ADAMTSL1: variants seen among roughly 807,000 people sequenced by gnomAD.
ADAMTSL1 encodes ADAMTS like 1, also known as ADAMTS-like protein 1.
A neutral mutation model predicts 201.8 loss-of-function variants in ADAMTSL1; 126 were observed. The ratio of observed to expected loss-of-function variants is 0.62; its 90% CI spans 0.54 to 0.72. The LOEUF is 0.72. Among genes scored for constraint, ADAMTSL1 ranks in the 30% least tolerant of loss-of-function variants. The pLI, the probability that ADAMTSL1 is intolerant of heterozygous loss-of-function variation, is 0.00. For missense variants in ADAMTSL1, 2,679 were observed against 2,277.8 expected, an observed-to-expected ratio of 1.18 and a Z score of -3.59; for synonymous variants, 1,121 against 903.4, an observed-to-expected ratio of 1.24 and a Z score of -4.32.
At chr9:18,194,401 C>T (rs1829091429) in intron 2 of ADAMTSL1, among the ~76,000 whole-genome samples, 1 of 152,040 alleles carries the variant, frequency 6.6e-6, no homozygotes, top group Non-Finnish European at 1.5e-5. Context: ...ACAAAAGCAA[C>T]ATGCACCCTC....
At chr9:18,130,205 A>G (rs1385101952) in intron 1 of ADAMTSL1, among the ~76,000 whole-genome samples, 1 of 152,090 alleles carries the variant, frequency 6.6e-6, no homozygotes, top group East Asian at 1.9e-4. Flanking sequence ...CTGCCTTCAC[A>G]GGGGCATTTT....
rs577542955 is a variant in ADAMTSL1 at position 18,421,246 on chromosome 9, A to G, written c.208-83583A>G. Among the ~76,000 whole-genome samples the G allele has an allele frequency of 1.5e-3, 236 of 152,314 alleles. 1 individual carries two copies. The highest frequency in any genetic ancestry group is 2.7e-3 in the Non-Finnish European group (184 of 68,034). On this transcript the variant is annotated intron_variant, in intron 2 of 29. Transcript: ENST00000680146. ...TAATCTACTTCCATATAAAAGTAAT[A>G]TCCCATTGGTAAATATAGTATTGCA...
At chr9:18,182,409 T>C (rs1244512210) in intron 2 of ADAMTSL1, among the ~76,000 whole-genome samples, 1 of 152,178 alleles carries the variant, frequency 6.6e-6, no homozygotes, top group East Asian at 1.9e-4. Context: ...AAAAGAATCC[T>C]GTGGTCTATA....
chr9:18,904,633 CAAAAAAAAAAAAAAAAAAAA>C (rs71333072), intron 26 of ADAMTSL1, among the ~76,000 whole-genome samples: 53 of 15,006 alleles, frequency 3.5e-3, no homozygotes, highest in Non-Finnish European at 2.4e-3. Context: ...GACCCTGCCT[CAAAAAAAAAAAAAAAAAAAA>C]AAAAAAAAAA....
intron 2 of ADAMTSL1, among the ~76,000 whole-genome samples, chr9:18,226,093 C>G (rs540674487): frequency 1.3e-5 from 2 of 152,162 alleles, no homozygotes; most frequent in Admixed American, 1.3e-4. Context: ...TTTAGTCATG[C>G]CTGCTTTTTG....
rs191298227 is a variant in ADAMTSL1 at position 17,950,726 on chromosome 9, C to G, written c.87+43804C>G. On this transcript the variant is annotated intron_variant, in intron 1 of 29. Coordinates refer to the ADAMTSL1 transcript ENST00000680146. ...GATAAACATATACATTTATATCCGT[C>G]AGAGTCACAACTGAAAACAGATGGC... Among the ~76,000 whole-genome samples, 521 of 152,166 alleles carry G rather than the reference C, an allele frequency of 3.4e-3. 1 individual carries two copies. The highest frequency in any genetic ancestry group is 0.01 in the Middle Eastern group (3 of 294).
chr9:18,364,418 G>GGGGT (rs2133093839), intron 2 of ADAMTSL1, among the ~76,000 whole-genome samples: 1 of 152,256 alleles, frequency 6.6e-6, no homozygotes, highest in Non-Finnish European at 1.5e-5. Context: ...TAATGCCTCA[G>GGGGT]GGGTAGAAGC....
At chr9:18,224,401 G>A (rs1008659388) in intron 2 of ADAMTSL1, among the ~76,000 whole-genome samples, 1 of 152,046 alleles carries the variant, frequency 6.6e-6, no homozygotes, top group African/African-American at 2.4e-5. Context: ...CTTTTATGAT[G>A]ATTCTGCCAT....
At chr9:18,181,220 G>A (rs1828458770) in intron 2 of ADAMTSL1, among the ~76,000 whole-genome samples, 1 of 152,170 alleles carries the variant, frequency 6.6e-6, no homozygotes, top group Non-Finnish European at 1.5e-5. Flanking sequence ...CAGGACATAG[G>A]CATGGGCAAG....
intron 1 of ADAMTSL1, among the ~76,000 whole-genome samples, chr9:18,073,283 G>T (rs1011645776): frequency 6.6e-6 from 1 of 152,168 alleles, no homozygotes; most frequent in African/African-American, 2.4e-5. Context: ...AGGCTGTGTG[G>T]AGCTGAGTGA....
chr9:18,872,272 C>T (rs531177882), intron 23 of ADAMTSL1, among the ~76,000 whole-genome samples: 1 of 152,276 alleles, frequency 6.6e-6, no homozygotes, highest in Non-Finnish European at 1.5e-5. Context: ...CTGCTGAAAG[C>T]AGCTACCATC....
chr9:18,273,107 T>A (rs1259502539), intron 2 of ADAMTSL1, among the ~76,000 whole-genome samples: 2 of 152,084 alleles, frequency 1.3e-5, no homozygotes. Context: ...CCTTGTGGAG[T>A]CTCACTCTGT....
At chr9:18,243,284 C>G (rs1335651857) in intron 2 of ADAMTSL1, among the ~76,000 whole-genome samples, 2 of 152,100 alleles carry the variant, frequency 1.3e-5, no homozygotes, top group African/African-American at 4.8e-5. Flanking sequence ...CATTCCTTCT[C>G]TCTTGTAATT....
chr9:18,142,055 C>T (rs990135166), intron 1 of ADAMTSL1, among the ~76,000 whole-genome samples: 2 of 152,142 alleles, frequency 1.3e-5, no homozygotes, highest in Non-Finnish European at 1.5e-5. Flanking sequence ...TGTCCTTTTT[C>T]CCTGCAGGAG....
At chr9:18,574,614 TG>T in intron 4 of ADAMTSL1, 1 of 412,934 alleles carries the variant, frequency 2.4e-6, no homozygotes. Context: ...TGTGTGTGTG[TG>T]TGTATTTAGA....
At chr9:18,853,064 G>A (rs1256946700) in intron 23 of ADAMTSL1, among the ~76,000 whole-genome samples, 1 of 152,176 alleles carries the variant, frequency 6.6e-6, no homozygotes, top group African/African-American at 2.4e-5. Context: ...CCTGGAGGTT[G>A]GGGAGATGCT....
intron 15 of ADAMTSL1, among the ~76,000 whole-genome samples, chr9:18,736,573 C>G (rs990794692): frequency 6.6e-6 from 1 of 152,166 alleles, no homozygotes; most frequent in Non-Finnish European, 1.5e-5. Context: ...CCAGCTCACC[C>G]TTGCATACCT....
At chr9:18,532,298 A>G (rs924687908) in intron 2 of ADAMTSL1, among the ~76,000 whole-genome samples, 7 of 152,144 alleles carry the variant, frequency 4.6e-5, no homozygotes, top group African/African-American at 1.2e-4. Context: ...CATTTTGGCA[A>G]TATTTATGAA....
At chr9:18,852,642 A>C (rs1826568472) in intron 23 of ADAMTSL1, among the ~76,000 whole-genome samples, 1 of 152,196 alleles carries the variant, frequency 6.6e-6, no homozygotes, top group South Asian at 2.1e-4. Flanking sequence ...AATCAAGAAA[A>C]AGGAAAGGAC....
Sources: allele counts gnomAD v4.1 joint callset (sites outside exome capture counted in the v4.1 genomes callset), GRCh38; gene constraint gnomAD v4.1.1; transcripts MANE v1.5; gene names NCBI Gene and HGNC (gene_info 2026-07-23, HGNC 2026-07-21).